Variants in MED13 observed in about 807,000 individuals in gnomAD.
MED13 encodes the protein mediator of RNA polymerase II transcription subunit 13.
In MED13, 23 loss-of-function variants were observed where a neutral mutation model predicts 225.2. The observed-to-expected ratio is 0.10, with a 90% confidence interval of 0.07 to 0.14. The LOEUF (loss-of-function observed/expected upper bound fraction) is 0.14. Among genes scored for constraint, MED13 ranks in the 10% least tolerant of loss-of-function variants. The pLI is 1.00. For synonymous variants in MED13, 942 were observed against 889.2 expected (o/e 1.06, Z -1.06); for missense variants, 2,197 against 2,594.5 (o/e 0.85, Z 3.33).
intron 27 of MED13, among the ~76,000 whole-genome samples, chr17:61,951,782 C>T (rs2143291480): frequency 6.6e-6 from 1 of 152,250 alleles, no homozygotes; most frequent in East Asian, 1.9e-4. Context: ...AATTTCTTTG[C>T]AGTTACAAAA....
rs947301037 is a variant in MED13 at position 61,943,194 on chromosome 17, C to A, written c.*3274G>T. The A allele has an allele frequency of 6.6e-6, 1 of 152,450 alleles. No individual in the cohort carries two copies. The highest frequency in any genetic ancestry group is 1.5e-5 in the Non-Finnish European group (1 of 67,982). The allele number at this position is 152,450 out of a possible 1,614,324, so 9.4% of individuals were successfully genotyped here. ...TAAAAACATTTTTCCTTAATTCAGA[C>A]AAACTAAAATCTTAAGAGGAAACCC... On this transcript the variant is annotated 3_prime_UTR_variant, in exon 30 of 30. Transcript: ENST00000397786.
Position 61,961,094 on chromosome 17 carries a change from T to TA in MED13, c.5257-5dup. 6 of 1,602,108 alleles carry TA rather than the reference T, an allele frequency of 3.7e-6. No homozygotes were observed. Among genetic ancestry groups the TA allele is most frequent in the Non-Finnish European group, 4.3e-6 (5 of 1,171,766 alleles). On this transcript the variant is annotated splice_polypyrimidine_tract_variant and splice_region_variant and intron_variant, in intron 22 of 29. Coordinates refer to ENST00000397786, the MANE Select transcript of MED13 (RefSeq NM_005121.3). ...AAAGTCGAATACACTCTGGTCTCTATAAAATAAAAAATTAAGGTATTATCA... is the reference window on the plus strand; with the variant it reads ...AAAGTCGAATACACTCTGGTCTCTATAAAAATAAAAAATTAAGGTATTATCA...
At chr17:62,013,807 G>A (rs947186224) in intron 8 of MED13, among the ~76,000 whole-genome samples, 8 of 152,156 alleles carry the variant, frequency 5.3e-5, no homozygotes, top group African/African-American at 1.7e-4. Context: ...TTGGGAGGCC[G>A]AGGTAGGTGG....
intron 3 of MED13, among the ~76,000 whole-genome samples, chr17:62,044,332 T>C (rs1465750106): frequency 6.6e-6 from 1 of 151,952 alleles, no homozygotes; most frequent in African/African-American, 2.4e-5. Flanking sequence ...CCCAAAAAAA[T>C]AACTTTCTGC....
chr17:61,987,576 T>C (rs2080259183), intron 11 of MED13, among the ~76,000 whole-genome samples: 1 of 152,206 alleles, frequency 6.6e-6, no homozygotes, highest in South Asian at 2.1e-4. Context: ...ATCGAGAAAG[T>C]GTTTTTATAG....
chr17:62,004,586 T>C (rs1004509878), intron 9 of MED13: 4 of 151,942 alleles, frequency 2.6e-5, no homozygotes, highest in Admixed American at 2.0e-4. Context: ...AGGAGACAAG[T>C]AGGATACCAG....
chr17:61,962,674 A>C, intron 21 of MED13, 78 bp downstream of exon 21: 1 of 1,254,222 alleles, frequency 8.0e-7, no homozygotes, highest in Non-Finnish European at 1.1e-6. Context: ...ATTTGAATAC[A>C]GAAAAGTAGT....
chr17:61,991,440 T>G (rs939086987), intron 11 of MED13, among the ~76,000 whole-genome samples: 1 of 151,382 alleles, frequency 6.6e-6, no homozygotes, highest in South Asian at 2.1e-4. Context: ...CCTGGGTTCA[T>G]GCGATTCTGC....
Position 62,010,535 on chromosome 17 carries a change from A to T in MED13, c.1967+15T>A, listed in dbSNP as rs991682366. The T allele has an allele frequency of 5.1e-6, 7 of 1,371,080 alleles. No individual in the cohort carries two copies. The highest frequency in any genetic ancestry group is 1.5e-5 in the African/African-American group (1 of 68,534). The allele number at this position is 1,371,080 out of a possible 1,614,324, so 84.9% of individuals were successfully genotyped here. A position where few individuals can be genotyped will look rare whatever the true frequency, so the allele number is the denominator to read the frequency against. ...CCCTTAAATTATAATGGTGACTATT[A>T]AAAAAAATACATACTCTGTAACTGA... On this transcript the variant is annotated intron_variant, in intron 9 of 29. Coordinates refer to ENST00000397786, the MANE Select transcript of MED13 (RefSeq NM_005121.3).
chr17:61,954,199 A>G (rs1207852439), intron 26 of MED13, among the ~76,000 whole-genome samples: 2 of 152,224 alleles, frequency 1.3e-5, no homozygotes, highest in Non-Finnish European at 2.9e-5. Flanking sequence ...TATATAACAC[A>G]CGAAAACAAG....
intron 23 of MED13, among the ~76,000 whole-genome samples, chr17:61,957,171 C>T (rs762387332): frequency 7.3e-5 from 11 of 151,602 alleles, no homozygotes; most frequent in South Asian, 2.1e-4. Flanking sequence ...CTCAGCCTTC[C>T]GAGCAGCTGA....
At chr17:61,998,924 ACTT>A (rs1348473568) in intron 9 of MED13, among the ~76,000 whole-genome samples, 1 of 81,272 alleles carries the variant, frequency 1.2e-5, no homozygotes, top group African/African-American at 4.9e-5. Flanking sequence ...TTTAAATGGT[ACTT>A]TTTTTTTTTT....
At chr17:61,962,425 T>C (rs187060434) in intron 21 of MED13, among the ~76,000 whole-genome samples, 149 of 152,346 alleles carry the variant, frequency 9.8e-4, no homozygotes, top group Non-Finnish European at 1.8e-3. Flanking sequence ...TGCTTTCTCC[T>C]TTTCTTGCAA....
intron 3 of MED13, among the ~76,000 whole-genome samples, chr17:62,048,053 T>TATATAC (rs1568001024): frequency 2.1e-5 from 3 of 142,026 alleles, no homozygotes; most frequent in Non-Finnish European, 4.6e-5. Flanking sequence ...CATATATATA[T>TATATAC]ATATATATAT....
In MED13 at chr17:61,954,840, A is replaced by G. The variant is rs140970715; in HGVS notation, c.5968+542T>C. On this transcript the variant is annotated intron_variant, in intron 26 of 29. Coordinates refer to ENST00000397786, the MANE Select transcript of MED13 (RefSeq NM_005121.3). ...ATTCACAGCACCAGTTCTGATATCAACAAGGTGAAAGAATGATTGTATTAG... is the reference window on the plus strand; with the variant it reads ...ATTCACAGCACCAGTTCTGATATCAGCAAGGTGAAAGAATGATTGTATTAG... Among the ~76,000 whole-genome samples the G allele has an allele frequency of 3.6e-3, 542 of 152,308 alleles. 5 individuals are homozygous for G. The highest frequency in any genetic ancestry group is 0.013 in the African/African-American group (524 of 41,572).
chr17:61,968,419 G>A (rs895461589), intron 17 of MED13, among the ~76,000 whole-genome samples, 161 bp from the exon 18 acceptor site: 8 of 152,078 alleles, frequency 5.3e-5, no homozygotes, highest in Admixed American at 2.0e-4. Flanking sequence ...TCCGCCTCCC[G>A]CGTTCACGCC....
chr17:62,003,759 G>A (rs2080419977), intron 9 of MED13: 1 of 151,752 alleles, frequency 6.6e-6, no homozygotes, highest in African/African-American at 2.4e-5. Context: ...AGAAAAAAAG[G>A]GTGACAAGGA....
chr17:62,046,861 A>ATT (rs572223238), intron 3 of MED13, among the ~76,000 whole-genome samples: 1 of 146,548 alleles, frequency 6.8e-6, no homozygotes. Flanking sequence ...TATAATTTCA[A>ATT]TTTTTTTTTT....
rs376910012 is a variant in MED13 at position 61,955,427 on chromosome 17, T to G, written c.5923A>C (p.Thr1975Pro). The G allele has an allele frequency of 1.9e-6, 3 of 1,586,366 alleles. No homozygotes were observed. The highest frequency in any genetic ancestry group is 2.6e-6 in the Non-Finnish European group (3 of 1,170,960). ...AAATCCAAATTTTCAGTGGTATAAG[T>G]AGCTGAAGCTACTTGCACAGAAGCA... The part of the protein sequence containing the change: ...TSASVQVASA[T>P]YTTENLDLAF... The change falls in exon 26 of 30, where the codon ACT becomes CCT. Residue 1975 changes from threonine (T) to proline (P), a missense_variant. Physicochemically the swap from Thr to Pro is conservative, Grantham distance 38. Transcript: ENST00000397786.
Sources: allele counts gnomAD v4.1 joint callset (sites outside exome capture counted in the v4.1 genomes callset), GRCh38; gene constraint gnomAD v4.1.1; transcripts MANE v1.5; gene names NCBI Gene and HGNC (gene_info 2026-07-23, HGNC 2026-07-21).